NEXN: variants seen among roughly 807,000 people sequenced by gnomAD.
NEXN encodes nexilin F-actin binding protein.
In NEXN, 65 loss-of-function variants were observed where a neutral mutation model predicts 92.6. The ratio of observed to expected loss-of-function variants is 0.70; its 90% CI spans 0.57 to 0.86. The LOEUF is 0.86. NEXN is among the 40% of genes least tolerant of loss of function. NEXN has a pLI of 0.00. For synonymous variants in NEXN, 254 were observed against 242.5 expected (o/e 1.05, Z -0.44); for missense variants, 778 against 771.1 (o/e 1.01, Z -0.11).
intron 3 of NEXN, 21 bp from the exon 4 acceptor site, chr1:77,917,939 T>A (rs1237505041): frequency 1.9e-6 from 3 of 1,592,906 alleles, no homozygotes; most frequent in African/African-American, 1.3e-5. Flanking sequence ...TGTGCTCACA[T>A]TAATTTATTT....
intron 1 of NEXN, among the ~76,000 whole-genome samples, chr1:77,905,303 T>C (rs187029288): frequency 6.6e-6 from 1 of 152,182 alleles, no homozygotes; most frequent in East Asian, 1.9e-4. Flanking sequence ...TTATACAATA[T>C]CCCTGCATAA....
At chr1:77,934,011 A>ATTTTTTTTTTTTTTTT (rs71075780) in intron 10 of NEXN, among the ~76,000 whole-genome samples, 4 of 114,314 alleles carry the variant, frequency 3.5e-5, no homozygotes, top group African/African-American at 1.1e-4. Flanking sequence ...CTAATTTTTA[A>ATTTTTTTTTTTTTTTT]TTTTTTTTTT....
intron 12 of NEXN, 93 bp from the exon 13 acceptor site, chr1:77,942,364 TTTAC>T: frequency 1.4e-6 from 2 of 1,452,058 alleles, no homozygotes; most frequent in Non-Finnish European, 9.6e-7. Flanking sequence ...TTGTATGTTC[TTTAC>T]TTAAAAAAAA....
intron 1 of NEXN, among the ~76,000 whole-genome samples, chr1:77,898,492 C>G (rs1393714427): frequency 1.3e-5 from 2 of 152,184 alleles, no homozygotes; most frequent in Admixed American, 6.5e-5. Flanking sequence ...CTTCCTTATA[C>G]CTTGTAGAAA....
At chr1:77,909,352 A>G (rs1040849919) in intron 1 of NEXN, among the ~76,000 whole-genome samples, 5 of 152,144 alleles carry the variant, frequency 3.3e-5, no homozygotes, top group Admixed American at 3.3e-4. Context: ...CCCGGGAGAC[A>G]GAAGTTGCAA....
At chr1:77,938,187 T>A (rs1650937114) in intron 11 of NEXN, among the ~76,000 whole-genome samples, 1 of 152,200 alleles carries the variant, frequency 6.6e-6, no homozygotes, top group African/African-American at 2.4e-5. Context: ...GCATCTAAGC[T>A]TGTGTGACAT....
rs371658200 is a variant in NEXN, at chr1:77,930,140, T to C, written c.1053+636T>C. 4.6e-5 allele frequency among the ~76,000 whole-genome samples: 7 copies of C among 152,342 alleles called. No homozygotes were observed. In the South Asian group the frequency reaches 1.4e-3, roughly 32 times the overall value. ...AGACTAGAGCACTGCATCTCCTTCT[T>C]GAAACACTGTAATTAGCTTTGGTGA... On this transcript the variant is annotated intron_variant, in intron 9 of 12. Coordinates refer to ENST00000334785, the MANE Select transcript of NEXN (RefSeq NM_144573.4).
At position 77,926,879 on chromosome 1, in the gene NEXN, C is replaced by G. The variant is rs1649893788; in HGVS notation, c.851C>G (p.Ala284Gly). Reference protein sequence around the residue: ...LEEEKRAFEEARRQMVNEDEE... With the variant: ...LEEEKRAFEEGRRQMVNEDEE... Reference sequence around the variant, plus strand: ...GAAGAGAAGCGTGCTTTTGAAGAAGCAAGGCGGCAAATGGTAAATCTACAT... The same window carrying G: ...GAAGAGAAGCGTGCTTTTGAAGAAGGAAGGCGGCAAATGGTAAATCTACAT... Residue 284 changes from alanine to glycine, a missense_variant, in exon 8 of 13, where the codon GCA becomes GGA. This residue lies in a region of NEXN where 532 missense variants were observed against 476.7 expected (regional missense o/e 1.12). Transcript: ENST00000334785. The G allele has an allele frequency of 1.2e-6, 2 of 1,613,826 alleles. No homozygotes were observed. The highest frequency in any genetic ancestry group is 3.3e-4 in the Middle Eastern group (2 of 6,060).
rs778477679 is a variant in NEXN, at chr1:77,942,154, A to G, written c.1605A>G (p.Gln535=). ...EEEEQRRIEE[Q]KLLRMQFEQR... ...AAGAACAAAGAAGAATTGAAGAACA[A>G]AAGTTACTACGCATGCAGTTTGAAC... The change falls in exon 12 of 13, where the codon CAA becomes CAG. Residue 535 remains glutamine (Q), a synonymous_variant. Coordinates refer to ENST00000334785, the MANE Select transcript of NEXN (RefSeq NM_144573.4). The G allele has an allele frequency of 6.8e-6, 11 of 1,613,722 alleles. No individual in the cohort carries two copies. Among genetic ancestry groups the G allele is most frequent in the African/African-American group, 5.3e-5 (4 of 74,912 alleles).
At chr1:77,920,288 T>C (rs914518367) in intron 5 of NEXN, among the ~76,000 whole-genome samples, 3 of 152,220 alleles carry the variant, frequency 2.0e-5, no homozygotes, top group Non-Finnish European at 4.4e-5. Flanking sequence ...AATGTATCTT[T>C]GAATATAAGG....
intron 5 of NEXN, among the ~76,000 whole-genome samples, chr1:77,920,299 A>C (rs1649321294): frequency 1.3e-5 from 2 of 152,218 alleles, no homozygotes; most frequent in African/African-American, 4.8e-5. Context: ...GAATATAAGG[A>C]GTAAAGTATG....
Position 77,936,079 on chromosome 1 carries a change from C to T in NEXN, c.1473+35C>T, listed in dbSNP as rs769627127. 3.4e-5 allele frequency: 49 copies of T among 1,422,544 alleles called. No individual in the cohort carries two copies. The East Asian group carries it at 1.1e-3, about 32-fold the overall frequency. 88.1% of individuals were successfully genotyped at this position (1,422,544 alleles called of 1,614,324 possible). A position where few individuals can be genotyped will look rare whatever the true frequency, so the allele number is the denominator to read the frequency against. Reference sequence around the variant, plus strand: ...CTTTATATTTAACATAGTTATGGTACAGTAATGATAATAAATTTAACAGAA... The same window carrying T: ...CTTTATATTTAACATAGTTATGGTATAGTAATGATAATAAATTTAACAGAA... On this transcript the variant is annotated intron_variant, in intron 11 of 12. Coordinates refer to ENST00000334785, the MANE Select transcript of NEXN (RefSeq NM_144573.4).
intron 1 of NEXN, among the ~76,000 whole-genome samples, chr1:77,908,394 ATTTTTTTTT>A (rs34361411): frequency 1.7e-3 from 60 of 36,326 alleles, no homozygotes; most frequent in African/African-American, 5.6e-3. Context: ...CCCTACCTCT[ATTTTTTTTT>A]TTTTTTTTTT....
intron 11 of NEXN, among the ~76,000 whole-genome samples, chr1:77,939,267 G>A (rs148638207): frequency 2.0e-5 from 3 of 152,278 alleles, no homozygotes; most frequent in African/African-American, 7.2e-5. Context: ...AATAGTTTTG[G>A]CATGTAAAGT....
At position 77,933,293 on chromosome 1, in the gene NEXN, T is replaced by C. The variant is rs369897647; in HGVS notation, c.1065T>C (p.Asp355=). Residue 355 remains aspartate (D), a synonymous_variant, in exon 10 of 13, where the codon GAT becomes GAC. Transcript: ENST00000334785. ...ATTATTTTAAATAGGTAGTAGATGA[T>C]GACTCCCCAGAGATGTATAAGACAA... ...AEARRNMVVD[D]DSPEMYKTIS... is the part of the protein sequence containing the mutation. 1.5e-4 allele frequency: 242 copies of C among 1,590,534 alleles called. 2 individuals carry two copies. Among genetic ancestry groups the C allele is most frequent in the South Asian group, 1.4e-3 (124 of 90,036 alleles).
At chr1:77,916,424 A>G (rs368204263) in intron 2 of NEXN, among the ~76,000 whole-genome samples, 1 of 152,190 alleles carries the variant, frequency 6.6e-6, no homozygotes, top group Admixed American at 6.5e-5. Flanking sequence ...TTTGTTCTTG[A>G]TAACTCTTAG....
intron 1 of NEXN, among the ~76,000 whole-genome samples, chr1:77,908,737 T>C (rs937279546): frequency 5.9e-5 from 9 of 152,178 alleles, no homozygotes; most frequent in Non-Finnish European, 1.3e-4. Flanking sequence ...CAGGGAAAGA[T>C]AGGTTTTTTC....
rs771695320 is a variant in NEXN, at chr1:77,942,815, G to A, written c.2014G>A (p.Glu672Lys). ...AGCTAGTACCTGTATTCTTACCATT[G>A]AAAGTAAGAATTAATCACTCTTTTT... is the stretch of plus-strand genomic sequence containing the variant. ...SAASTCILTI[E>K]SKN Residue 672 changes from glutamate (E) to lysine (K), a missense_variant, in exon 13 of 13, where the codon GAA (glutamate) becomes AAA (lysine). By Grantham distance (56) the Glu-to-Lys change is moderately conservative (BLOSUM62 1). Coordinates refer to ENST00000334785, the MANE Select transcript of NEXN (RefSeq NM_144573.4). 1.1e-5 allele frequency: 17 copies of A among 1,601,062 alleles called. No homozygotes were observed. Among genetic ancestry groups the A allele is most frequent in the Non-Finnish European group, 1.5e-5 (17 of 1,169,190 alleles).
chr1:77,912,315 G>T (rs560994693), intron 1 of NEXN, among the ~76,000 whole-genome samples: 1 of 152,158 alleles, frequency 6.6e-6, no homozygotes, highest in African/African-American at 2.4e-5. Context: ...ATATAATGGG[G>T]GGGACATACT....
Sources: gnomAD v4.1 joint callset for allele counts (sites outside exome capture counted in the v4.1 genomes callset) on GRCh38, gnomAD v4.1.1 for gene constraint, gnomAD v4.1.1 regional missense constraint, MANE v1.5 for transcripts, NCBI Gene and HGNC (gene_info 2026-07-23, HGNC 2026-07-21) for gene names.